The following TRIT1 variants were observed in gnomAD, a reference collection of about 807,000 sequenced individuals.
TRIT1 encodes the protein tRNA isopentenyltransferase 1, also known as tRNA dimethylallyltransferase.
TRIT1 carries 43 observed loss-of-function variants against 51.2 expected under a neutral mutation model. The ratio of observed to expected loss-of-function variants is 0.84; its 90% CI spans 0.66 to 1.08. The LOEUF (loss-of-function observed/expected upper bound fraction) is 1.08. Among genes scored for constraint, TRIT1 ranks in the 50% least tolerant of loss-of-function variants. TRIT1 has a pLI of 0.00. For missense variants in TRIT1, 528 were observed against 578.4 expected (o/e 0.91, Z 0.89); for synonymous variants, 184 against 203.9 (o/e 0.90, Z 0.83).
At chr1:39,846,264 TG>T (rs1490113819) in intron 8 of TRIT1, among the ~76,000 whole-genome samples, 1 of 152,202 alleles carries the variant, frequency 6.6e-6, no homozygotes, top group African/African-American at 2.4e-5. Context: ...GATCAAGGTA[TG>T]TATTTTCAGA....
At chr1:39,863,636 C>T (rs1328706687) in intron 1 of TRIT1, among the ~76,000 whole-genome samples, 1 of 150,148 alleles carries the variant, frequency 6.7e-6, no homozygotes, top group Admixed American at 6.6e-5. Flanking sequence ...TTTATTTCCA[C>T]ACTGAAAAAA....
In TRIT1 at chr1:39,883,475, G is replaced by A. The variant is rs2124702856; in HGVS notation, c.17C>T (p.Ala6Val). 1 of 1,596,010 alleles carries A rather than the reference G, an allele frequency of 6.3e-7. No homozygotes were observed. Among genetic ancestry groups the A allele is most frequent in the Non-Finnish European group, 8.6e-7 (1 of 1,166,016 alleles). Residue 6 changes from alanine to valine, a missense_variant, in exon 1 of 11, where the codon GCT becomes GTT. By Grantham distance (64) the Ala-to-Val change is moderately conservative. Coordinates refer to ENST00000316891, the MANE Select transcript of TRIT1 (RefSeq NM_017646.6). ...ACTGCCCACGGGAACTGCTCGTGCA[G>A]CCGCCACGGACGCCATCTTATGGCA... MASVA[A>V]ARAVPVGSGL...
At chr1:39,844,338 G>A in intron 9 of TRIT1, 120 bp from the exon 10 acceptor site, 1 of 923,166 alleles carries the variant, frequency 1.1e-6, no homozygotes. Flanking sequence ...CAGATGGGCT[G>A]TATACAGATT....
At chr1:39,841,968 GAATT>G (rs1159130044) in intron 10 of TRIT1, 55 bp from the exon 11 acceptor site, 15 of 1,547,004 alleles carry the variant, frequency 9.7e-6, no homozygotes, top group African/African-American at 1.4e-5. Flanking sequence ...GAATTTTCTA[GAATT>G]AATCCTAGAA....
chr1:39,847,738 G>T, intron 6 of TRIT1, 78 bp from the exon 7 acceptor site: 2 of 1,603,122 alleles, frequency 1.2e-6, no homozygotes, highest in East Asian at 2.2e-5. Context: ...ACCTAGTTGA[G>T]CCATTTCATC....
At chr1:39,853,221 TAC>T (rs1390550183) in intron 3 of TRIT1, among the ~76,000 whole-genome samples, 2 of 152,206 alleles carry the variant, frequency 1.3e-5, no homozygotes, top group Non-Finnish European at 2.9e-5. Context: ...AATTACAGTT[TAC>T]ACAGTCTTAC....
intron 3 of TRIT1, 94 bp from the exon 4 acceptor site, chr1:39,852,970 A>C: frequency 7.3e-7 from 1 of 1,367,112 alleles, no homozygotes. Flanking sequence ...AATACAGAAT[A>C]ATCAGAAGAT....
chr1:39,865,284 C>T (rs1643473413), intron 1 of TRIT1, among the ~76,000 whole-genome samples: 1 of 152,230 alleles, frequency 6.6e-6, no homozygotes, highest in South Asian at 2.1e-4. Flanking sequence ...TTTACTGAGG[C>T]CAGCCACTGA....
chr1:39,847,678 T>C lies in TRIT1; in HGVS notation c.816-18A>G. 6.2e-7 allele frequency: 1 copy of C among 1,614,138 alleles called. No individual in the cohort carries two copies. The highest frequency in any genetic ancestry group is 1.7e-5 in the Admixed American group (1 of 60,018). ...AGTCCTGGCTGGGAACAGGAGGGTA[T>C]CAGCAGATAAGCCATTGCTCCTAAA... On this transcript the variant is annotated intron_variant, in intron 6 of 10. Transcript: ENST00000316891.
At chr1:39,842,071 G>C (rs943444097) in intron 10 of TRIT1, among the ~76,000 whole-genome samples, 158 bp from the exon 11 acceptor site, 1 of 152,236 alleles carries the variant, frequency 6.6e-6, no homozygotes, top group African/African-American at 2.4e-5. Context: ...GCATTTTTAA[G>C]GGAAGAATAA....
At chr1:39,852,403 T>C (rs1426372732) in intron 4 of TRIT1, among the ~76,000 whole-genome samples, 2 of 152,078 alleles carry the variant, frequency 1.3e-5, no homozygotes, top group African/African-American at 4.8e-5. Flanking sequence ...CAAATCACAA[T>C]GTAAACAAAC....
intron 1 of TRIT1, among the ~76,000 whole-genome samples, chr1:39,865,660 C>T (rs1331943179): frequency 7.7e-6 from 1 of 129,908 alleles, no homozygotes; most frequent in Non-Finnish European, 1.6e-5. Context: ...CATTGTGAGA[C>T]TCTGTCTCTA....
At chr1:39,879,495 T>C (rs1169351135) in intron 1 of TRIT1, among the ~76,000 whole-genome samples, 1 of 151,432 alleles carries the variant, frequency 6.6e-6, no homozygotes, top group Non-Finnish European at 1.5e-5. Context: ...AATATATATA[T>C]ATATATATTT....
chr1:39,845,286 T>C (rs889367412), intron 8 of TRIT1, among the ~76,000 whole-genome samples: 1 of 152,242 alleles, frequency 6.6e-6, no homozygotes, highest in African/African-American at 2.4e-5. Flanking sequence ...AAGATGAGAC[T>C]GAAGGTAGCA....
chr1:39,841,667 C>T lies in TRIT1; in HGVS notation c.*77G>A. The stretch of plus-strand genomic sequence containing the variant: ...GAATTCCGCATAGCACTCCTTTGCC[C>T]AGACTGGGAGACAAACATACCCCTC... On this transcript the variant is annotated 3_prime_UTR_variant, in exon 11 of 11. Coordinates refer to ENST00000316891, the MANE Select transcript of TRIT1 (RefSeq NM_017646.6). 1 of 1,460,646 alleles carries T rather than the reference C, an allele frequency of 6.8e-7. No homozygotes were observed. The highest frequency in any genetic ancestry group is 9.2e-7 in the Non-Finnish European group (1 of 1,085,922). 90.5% of individuals were successfully genotyped at this position (1,460,646 alleles called of 1,614,324 possible).
chr1:39,864,501 C>T (rs1388880156), intron 1 of TRIT1, among the ~76,000 whole-genome samples: 2 of 148,450 alleles, frequency 1.3e-5, no homozygotes, highest in South Asian at 2.1e-4. Context: ...CCTAGCTACT[C>T]GGGAGGCTGA....
At chr1:39,854,132 T>C in intron 2 of TRIT1, 64 bp from the exon 3 acceptor site, 1 of 1,219,714 alleles carries the variant, frequency 8.2e-7, no homozygotes, top group Non-Finnish European at 1.2e-6. Context: ...AGGACACCAT[T>C]AGCAAGAAAC....
rs1269001460 is a variant in TRIT1, at chr1:39,844,658, A to G, written c.1007-18T>C. 2 of 1,567,496 alleles carry G rather than the reference A, an allele frequency of 1.3e-6. No individual in the cohort carries two copies. The highest frequency in any genetic ancestry group is 3.3e-5 in the Admixed American group (2 of 59,926). ...ACCAGGTCCTAATGATGACAAAGAA[A>G]GGTTGTGAGAGGTCAGCCTCAAACC... On this transcript the variant is annotated intron_variant, in intron 8 of 10. Transcript: ENST00000316891.
Position 39,851,859 on chromosome 1 carries a change from G to A in TRIT1, c.560+872C>T, listed in dbSNP as rs1309851632. 3.3e-5 allele frequency among the ~76,000 whole-genome samples: 5 copies of A among 151,366 alleles called. No homozygotes were observed. The East Asian group carries it at 7.8e-4, about 24-fold the overall frequency. ...GCTACTCAGGAGGCCGAGGCAGGAG[G>A]ACATCTGAGCCCAGGAGGTCAAGGC... On this transcript the variant is annotated intron_variant, in intron 4 of 10. Coordinates refer to ENST00000316891, the MANE Select transcript of TRIT1 (RefSeq NM_017646.6).
Sources: gnomAD v4.1 joint callset for allele counts (sites outside exome capture counted in the v4.1 genomes callset) on GRCh38, gnomAD v4.1.1 for gene constraint, MANE v1.5 for transcripts, NCBI Gene and HGNC (gene_info 2026-07-23, HGNC 2026-07-21) for gene names.